SPIRE1: variants seen among roughly 807,000 people sequenced by gnomAD.
SPIRE1 encodes protein spire homolog 1.
Under a neutral mutation model 94.1 loss-of-function variants are expected in SPIRE1, and 40 were observed. The observed-to-expected ratio is 0.43, with a 90% CI of 0.33 to 0.55. The LOEUF (loss-of-function observed/expected upper bound fraction) is 0.55. Among genes scored for constraint, SPIRE1 ranks in the 20% least tolerant of loss-of-function variants. The pLI, the probability that SPIRE1 is intolerant of heterozygous loss-of-function variation, is 0.06. For synonymous variants in SPIRE1, 376 were observed against 371.7 expected, an observed-to-expected ratio of 1.01 and a Z score of -0.13; for missense variants, 838 against 975.2, an observed-to-expected ratio of 0.86 and a Z score of 1.87.
chr18:12,448,978 A>C lies in SPIRE1; in HGVS notation c.*660T>G, dbSNP rs1172620930. On this transcript the variant is annotated 3_prime_UTR_variant, in exon 17 of 17. Transcript: ENST00000409402. This position sits in a 1 kb window ranked among gnomAD's most constrained non-coding sequence, Gnocchi z 4.4. ...TCATCCACTCAGGAGACACTGAACC[A>C]GGGCACTGGGACAACACGGCCACTC... 2 of 152,764 alleles carry C rather than the reference A, an allele frequency of 1.3e-5. No homozygotes were observed. The highest frequency in any genetic ancestry group is 2.9e-5 in the Non-Finnish European group (2 of 68,200). 9.5% of individuals were successfully genotyped at this position (152,764 alleles called of 1,614,324 possible).
intron 2 of SPIRE1, among the ~76,000 whole-genome samples, chr18:12,548,514 A>C (rs949946946): frequency 6.6e-6 from 1 of 152,206 alleles, no homozygotes; most frequent in African/African-American, 2.4e-5. Flanking sequence ...GTTTTTAAAC[A>C]ATACTGTTTT....
At chr18:12,482,434 C>T (rs755462337) in intron 9 of SPIRE1, among the ~76,000 whole-genome samples, 30 of 151,970 alleles carry the variant, frequency 2.0e-4, no homozygotes, top group African/African-American at 3.4e-4. Context: ...TGAGACACCG[C>T]ACCAGGCCCA....
Position 12,449,787 on chromosome 18 carries a change from A to T in SPIRE1, c.2122T>A (p.Phe708Ile), listed in dbSNP as rs1568176264. The change falls in exon 17 of 17, where the codon TTC becomes ATC. Residue 708 changes from phenylalanine (F) to isoleucine (I), a missense_variant. This residue lies in a region of SPIRE1 where 645 missense variants were observed against 804.7 expected (regional missense o/e 0.80). Transcript: ENST00000409402. Reference protein sequence around the residue: ...TMEVCVDCKKFISEIISSSRR... With the variant: ...TMEVCVDCKKIISEIISSSRR... The stretch of plus-strand genomic sequence containing the variant: ...CTTGAACTGATGATTTCCGAAATGA[A>T]CTTCTTGCAGTCCACACACACCTCC... 6.2e-7 allele frequency: 1 copy of T among 1,614,030 alleles called. No individual in the cohort carries two copies.
At chr18:12,472,667 T>TC in intron 10 of SPIRE1, among the ~76,000 whole-genome samples, 1 of 146,840 alleles carries the variant, frequency 6.8e-6, no homozygotes, top group East Asian at 2.0e-4. Context: ...CTGTGGTTGG[T>TC]CTTTTTTTTG....
chr18:12,644,619 T>C (rs931444320), intron 1 of SPIRE1, among the ~76,000 whole-genome samples: 4 of 152,226 alleles, frequency 2.6e-5, no homozygotes, highest in Non-Finnish European at 5.9e-5. Flanking sequence ...TAACCCTCCA[T>C]AGTCCATTCT....
intron 13 of SPIRE1, among the ~76,000 whole-genome samples, chr18:12,453,433 A>AT (rs34797411): frequency 0.36 from 52,191 of 144,426 alleles, 11,439 homozygotes; most frequent in African/African-American, 0.62. Flanking sequence ...TCTCAGATAC[A>AT]TTTTTTTTTT....
intron 10 of SPIRE1, among the ~76,000 whole-genome samples, chr18:12,469,830 T>G (rs904266477): frequency 1.3e-5 from 2 of 150,114 alleles, no homozygotes. Context: ...TAAGCACATT[T>G]GGAGTACTAG....
intron 2 of SPIRE1, among the ~76,000 whole-genome samples, chr18:12,549,349 C>A (rs2035268082): frequency 6.6e-6 from 1 of 151,688 alleles, no homozygotes; most frequent in Non-Finnish European, 1.5e-5. Flanking sequence ...TCACAATTAA[C>A]TGAGTTTTAC....
Position 12,565,906 on chromosome 18 carries a change from C to T in SPIRE1, c.373-19002G>A, listed in dbSNP as rs183159347. ...AAAGTTGGCTGGGCATGGTGGTGCA[C>T]GCCTGTAGTCCCAGCTACTCGGGAG... On this transcript the variant is annotated intron_variant, in intron 2 of 16. Transcript: ENST00000409402. Among the ~76,000 whole-genome samples the T allele has an allele frequency of 2.6e-3, 383 of 146,320 alleles. 8 individuals are homozygous for T. Among genetic ancestry groups the T allele is most frequent in the Middle Eastern group, 0.011 (3 of 262 alleles).
chr18:12,583,944 C>CA (rs199914926), intron 2 of SPIRE1, among the ~76,000 whole-genome samples: 2,776 of 150,760 alleles, frequency 0.018, 94 homozygotes, highest in African/African-American at 0.062. Context: ...CAAAAACAAA[C>CA]AAAAAAAACA....
chr18:12,595,663 G>A (rs1288577681), intron 2 of SPIRE1, among the ~76,000 whole-genome samples: 1 of 152,218 alleles, frequency 6.6e-6, no homozygotes, highest in African/African-American at 2.4e-5. Flanking sequence ...TTTGTATCAG[G>A]CACCAAAATA....
chr18:12,635,758 C>T (rs1398577056), intron 1 of SPIRE1, among the ~76,000 whole-genome samples: 1 of 152,088 alleles, frequency 6.6e-6, no homozygotes, highest in African/African-American at 2.4e-5. Context: ...ATGTCGCTGA[C>T]AAAAACATAC....
chr18:12,466,075 C>T (rs1465355731), intron 10 of SPIRE1, among the ~76,000 whole-genome samples: 2 of 150,476 alleles, frequency 1.3e-5, no homozygotes, highest in African/African-American at 2.4e-5. Context: ...CAGAGTGATA[C>T]TCCGTCTCAG....
intron 2 of SPIRE1, among the ~76,000 whole-genome samples, chr18:12,586,458 T>G (rs927370375): frequency 6.6e-6 from 1 of 152,194 alleles, no homozygotes; most frequent in Non-Finnish European, 1.5e-5. Flanking sequence ...TTCCATAGGC[T>G]GGAAATGAAG....
chr18:12,612,477 T>C (rs1401785310), intron 2 of SPIRE1, among the ~76,000 whole-genome samples: 2 of 152,180 alleles, frequency 1.3e-5, no homozygotes, highest in Non-Finnish European at 2.9e-5. Context: ...ATTTCAATAG[T>C]TTCATATTTA....
intron 2 of SPIRE1, among the ~76,000 whole-genome samples, chr18:12,594,180 C>G (rs2036609673): frequency 6.6e-6 from 1 of 151,974 alleles, no homozygotes; most frequent in South Asian, 2.1e-4. Flanking sequence ...CTGCAAATAC[C>G]TAGAAGTTAA....
chr18:12,519,356 G>A (rs887964808), intron 4 of SPIRE1, among the ~76,000 whole-genome samples: 13 of 150,720 alleles, frequency 8.6e-5, no homozygotes, highest in African/African-American at 1.5e-4. Flanking sequence ...ACACACGCAC[G>A]CACACACACA....
intron 12 of SPIRE1, among the ~76,000 whole-genome samples, chr18:12,461,969 T>C (rs1386690605): frequency 6.6e-6 from 1 of 152,202 alleles, no homozygotes; most frequent in African/African-American, 2.4e-5. Context: ...AATAGCTGTA[T>C]ATTTTGGTAA....
chr18:12,495,142 T>C (rs575593193), intron 7 of SPIRE1, among the ~76,000 whole-genome samples: 2 of 152,250 alleles, frequency 1.3e-5, no homozygotes, highest in South Asian at 4.1e-4. Flanking sequence ...TTTAGTTGTA[T>C]ACAAACTGAG....
Sources: allele counts gnomAD v4.1 joint callset (sites outside exome capture counted in the v4.1 genomes callset), GRCh38; gene constraint gnomAD v4.1.1; regional missense constraint gnomAD v4.1.1; non-coding constraint Gnocchi (gnomAD v3.1); transcripts MANE v1.5; gene names NCBI Gene and HGNC (gene_info 2026-07-23, HGNC 2026-07-21).